DSCAM: variants seen among roughly 807,000 people sequenced by gnomAD.
The protein encoded by DSCAM is cell adhesion molecule DSCAM.
DSCAM carries 47 observed loss-of-function variants against 217.7 expected under a neutral mutation model. The observed-to-expected ratio is 0.22, with a 90% CI of 0.17 to 0.28. The LOEUF (loss-of-function observed/expected upper bound fraction) is 0.28, where lower values mean the gene tolerates loss of function less well. DSCAM is among the 10% of genes least tolerant of loss of function. The pLI, the probability that DSCAM is intolerant of heterozygous loss-of-function variation, is 1.00. For missense variants in DSCAM, 2,080 were observed against 2,618.3 expected (o/e 0.79, Z 4.49); for synonymous variants, 1,056 against 1,015.3 (o/e 1.04, Z -0.76).
chr21:40,768,302 T>C lies in DSCAM; in HGVS notation c.44-59531A>G, dbSNP rs182860492. Among the ~76,000 whole-genome samples, 97 of 151,926 alleles carry C rather than the reference T, an allele frequency of 6.4e-4. 1 individual carries two copies. The highest frequency in any genetic ancestry group is 2.3e-3 in the African/African-American group (96 of 41,502). ...CAGGTGGCCTTCCCACCTGCCTCAT[T>C]ACCTTACGGTGACACCCCTCCCCCC... On this transcript the variant is annotated intron_variant, in intron 1 of 32. Transcript: ENST00000400454.
chr21:40,284,181 G>A (rs2073798043), intron 10 of DSCAM, among the ~76,000 whole-genome samples: 2 of 152,166 alleles, frequency 1.3e-5, no homozygotes, highest in Admixed American at 1.3e-4. Context: ...ACCTAAATAA[G>A]GTTTAGTAGC....
chr21:40,441,081 G>C (rs2075626086), intron 3 of DSCAM, among the ~76,000 whole-genome samples: 1 of 131,732 alleles, frequency 7.6e-6, no homozygotes, highest in African/African-American at 2.8e-5. Context: ...GACAAGAAAT[G>C]GTAAACCCTG....
chr21:40,693,388 A>G (rs1480671064), intron 2 of DSCAM, among the ~76,000 whole-genome samples: 2 of 152,116 alleles, frequency 1.3e-5, no homozygotes, highest in Non-Finnish European at 2.9e-5. Context: ...AGCTATAATC[A>G]TATCACTGCA....
At chr21:40,159,568 A>T (rs551457839) in intron 16 of DSCAM, among the ~76,000 whole-genome samples, 1 of 152,238 alleles carries the variant, frequency 6.6e-6, no homozygotes, top group African/African-American at 2.4e-5. Flanking sequence ...CTACCTACCC[A>T]TCTATTTTTA....
chr21:40,449,161 T>G (rs2075699354), intron 3 of DSCAM, among the ~76,000 whole-genome samples: 1 of 152,136 alleles, frequency 6.6e-6, no homozygotes, highest in African/African-American at 2.4e-5. Flanking sequence ...TCTTCTGCCT[T>G]TAAGGATGCA....
At chr21:40,252,399 C>G (rs1401587264) in intron 11 of DSCAM, among the ~76,000 whole-genome samples, 1 of 152,104 alleles carries the variant, frequency 6.6e-6, no homozygotes, top group Non-Finnish European at 1.5e-5. Context: ...TAGATATAAA[C>G]AGCATTGTCT....
chr21:40,447,758 A>G (rs1379898864), intron 3 of DSCAM, among the ~76,000 whole-genome samples: 1 of 152,232 alleles, frequency 6.6e-6, no homozygotes, highest in East Asian at 1.9e-4. Context: ...GGTGAATGAC[A>G]TTAATTTTTT....
At chr21:40,056,983 C>A (rs961499980) in intron 28 of DSCAM, among the ~76,000 whole-genome samples, 6 of 152,212 alleles carry the variant, frequency 3.9e-5, no homozygotes, top group Non-Finnish European at 5.9e-5. Flanking sequence ...AAGTGGTGGA[C>A]AGAACTTTAA....
chr21:40,777,719 A>C (rs916284439), intron 1 of DSCAM, among the ~76,000 whole-genome samples: 2 of 152,206 alleles, frequency 1.3e-5, no homozygotes, highest in Admixed American at 6.5e-5. Context: ...ATATAAAAGA[A>C]AATCATTAAA....
At chr21:40,013,993 A>C (rs2088110684) in intron 32 of DSCAM, among the ~76,000 whole-genome samples, 1 of 152,228 alleles carries the variant, frequency 6.6e-6, no homozygotes, top group South Asian at 2.1e-4. Context: ...CTGTGTATAG[A>C]GATGACAGCA....
chr21:40,111,250 G>A (rs1261473971), intron 20 of DSCAM, among the ~76,000 whole-genome samples: 1 of 152,146 alleles, frequency 6.6e-6, no homozygotes, highest in East Asian at 1.9e-4. Context: ...AAGAGAGTGG[G>A]GGCCAATATT....
At chr21:40,566,707 G>A (rs1007163203) in intron 3 of DSCAM, among the ~76,000 whole-genome samples, 5 of 151,814 alleles carry the variant, frequency 3.3e-5, no homozygotes, top group African/African-American at 7.3e-5. Context: ...ACATTTCTTT[G>A]AAAAAAAGTC....
At chr21:40,276,316 G>A (rs750553193) in intron 10 of DSCAM, 46 bp from the exon 11 acceptor site, 6 of 1,530,186 alleles carry the variant, frequency 3.9e-6, no homozygotes, top group Non-Finnish European at 4.4e-6. Context: ...ACGAGAGTAA[G>A]TATGGGAAGA....
intron 1 of DSCAM, among the ~76,000 whole-genome samples, chr21:40,827,646 G>A (rs932176861): frequency 3.9e-5 from 6 of 152,104 alleles, no homozygotes; most frequent in Non-Finnish European, 8.8e-5. Context: ...TTGAAACAGC[G>A]CTAATCGAAG....
intron 3 of DSCAM, among the ~76,000 whole-genome samples, chr21:40,398,438 C>G (rs1381666065): frequency 6.6e-6 from 1 of 152,124 alleles, no homozygotes; most frequent in Non-Finnish European, 1.5e-5. Flanking sequence ...CCCCAATTCC[C>G]TATCCCATGT....
At chr21:40,139,720 T>C (rs1011615839) in intron 18 of DSCAM, among the ~76,000 whole-genome samples, 2 of 151,696 alleles carry the variant, frequency 1.3e-5, no homozygotes, top group Admixed American at 6.6e-5. Flanking sequence ...GTGATGTACA[T>C]GCAGTTTGTG....
chr21:40,162,874 T>C (rs2090554321), intron 16 of DSCAM, among the ~76,000 whole-genome samples: 1 of 152,162 alleles, frequency 6.6e-6, no homozygotes. Context: ...CAATTGACCA[T>C]TTCATATTTT....
chr21:40,415,851 C>A (rs1246576444), intron 3 of DSCAM, among the ~76,000 whole-genome samples: 1 of 152,152 alleles, frequency 6.6e-6, no homozygotes, highest in African/African-American at 2.4e-5. Context: ...CCCCAACTCT[C>A]AGGACGGCAC....
intron 8 of DSCAM, among the ~76,000 whole-genome samples, chr21:40,320,837 A>G (rs1231678943): frequency 2.0e-5 from 3 of 152,208 alleles, no homozygotes; most frequent in Non-Finnish European, 4.4e-5. Context: ...ACACGTGGGA[A>G]TTATGGGAGT....
Sources: allele counts gnomAD v4.1 joint callset (sites outside exome capture counted in the v4.1 genomes callset), GRCh38; gene constraint gnomAD v4.1.1; transcripts MANE v1.5; gene names NCBI Gene and HGNC (gene_info 2026-07-23, HGNC 2026-07-21).